Variants in PARVB observed in about 807,000 individuals in gnomAD.
PARVB encodes the protein parvin beta, also known as beta-parvin.
Under a neutral mutation model 47.0 loss-of-function variants are expected in PARVB, and 46 were observed. The ratio of observed to expected loss-of-function variants is 0.98; its 90% CI spans 0.77 to 1.25. PARVB has a LOEUF of 1.25. Among genes scored for constraint, PARVB ranks in the 50% most tolerant of loss-of-function variants. The probability of loss-of-function intolerance (pLI) is 0.00; values close to 1 mark genes in which losing one functional copy is unlikely to be tolerated. For synonymous variants in PARVB, 196 were observed against 196.3 expected, an observed-to-expected ratio of 1.00 and a Z score of 0.01; for missense variants, 473 against 471.6, an observed-to-expected ratio of 1.00 and a Z score of -0.03.
intron 1 of PARVB, among the ~76,000 whole-genome samples, chr22:44,025,353 G>A (rs2050711380): frequency 6.6e-6 from 1 of 152,156 alleles, no homozygotes; most frequent in Non-Finnish European, 1.5e-5. Context: ...ACCCCGGGAT[G>A]CAGGTCCCCC....
At chr22:44,124,087 A>G (rs1601641769) in intron 4 of PARVB, among the ~76,000 whole-genome samples, 2 of 152,228 alleles carry the variant, frequency 1.3e-5, no homozygotes, top group African/African-American at 4.8e-5. Context: ...GATTAAGTCA[A>G]TGAAAGAATT....
chr22:44,009,802 A>G (rs1203801457), intron 2 of PARVB, among the ~76,000 whole-genome samples: 1 of 148,808 alleles, frequency 6.7e-6, no homozygotes, highest in Non-Finnish European at 1.5e-5. Flanking sequence ...ATGTGTGCAT[A>G]TGAATCTTTT....
intron 1 of PARVB, among the ~76,000 whole-genome samples, chr22:44,091,910 G>GC (rs2052177129): frequency 6.6e-6 from 1 of 152,118 alleles, no homozygotes; most frequent in Non-Finnish European, 1.5e-5. Flanking sequence ...GCATCCTGGG[G>GC]CCCCGCTGCC....
chr22:44,141,663 C>T (rs528870694), intron 8 of PARVB: 1 of 152,442 alleles, frequency 6.6e-6, no homozygotes, highest in Admixed American at 6.5e-5. Context: ...TATTAACCAT[C>T]ACGCCTGTGG....
chr22:44,077,275 T>C (rs1033533880), intron 1 of PARVB, among the ~76,000 whole-genome samples: 8 of 152,184 alleles, frequency 5.3e-5, no homozygotes, highest in Admixed American at 6.5e-5. Context: ...TTCCCTGCCG[T>C]GGGCCACATC....
chr22:44,050,538 A>G (rs2051190645), intron 1 of PARVB, among the ~76,000 whole-genome samples: 1 of 152,034 alleles, frequency 6.6e-6, no homozygotes, highest in African/African-American at 2.4e-5. Flanking sequence ...GGGTTTCTCC[A>G]TGTTGGTCAG....
At chr22:44,065,843 GTGTGTGTGTGTGTGCA>G (rs1439880128) in intron 1 of PARVB, among the ~76,000 whole-genome samples, 1 of 30,140 alleles carries the variant, frequency 3.3e-5, no homozygotes, top group African/African-American at 1.5e-4. Context: ...GTATTCCATG[GTGTGTGTGTGTGTGCA>G]TGTGTGTGTG....
intron 2 of PARVB, among the ~76,000 whole-genome samples, chr22:44,006,611 G>A (rs142419853): frequency 2.0e-4 from 30 of 152,290 alleles, no homozygotes; most frequent in Non-Finnish European, 4.0e-4. Flanking sequence ...GTGACAGAGC[G>A]AGACTACATC....
intron 11 of PARVB, among the ~76,000 whole-genome samples, chr22:44,161,000 A>G (rs2054039250): frequency 6.6e-6 from 1 of 152,170 alleles, no homozygotes; most frequent in Admixed American, 6.5e-5. Flanking sequence ...ACCGGTCCAA[A>G]TTGGTGCTGA....
chr22:44,021,759 TCACACACACACACACACACACACA>T (rs3223605), upstream of PARVB, among the ~76,000 whole-genome samples: 41 of 102,786 alleles, frequency 4.0e-4, no homozygotes, highest in African/African-American at 8.4e-4. Context: ...AAGTCTAGAC[TCACACACACACACACACACACACA>T]CACACACACA....
At position 44,123,615 on chromosome 22, in the gene PARVB, A is replaced by G. The variant is rs2053121585; in HGVS notation, c.376+4475A>G. ...TTTTTTATAGATACGAGGCTTTGCC[A>G]TGTTGCCCAGGCTGATCTTGAACTC... On this transcript the variant is annotated intron_variant, in intron 4 of 12. Transcript: ENST00000338758. Among the ~76,000 whole-genome samples, 5 of 152,254 alleles carry G rather than the reference A, an allele frequency of 3.3e-5. No homozygotes were observed. The South Asian group carries it at 8.3e-4, about 25-fold the overall frequency.
At chr22:44,167,574 C>T (rs138694620) in intron 12 of PARVB, among the ~76,000 whole-genome samples, 270 of 152,202 alleles carry the variant, frequency 1.8e-3, no homozygotes, top group Middle Eastern at 3.4e-3. Context: ...CTGCCCCCCT[C>T]GCCTTGGCCA....
intron 12 of PARVB, among the ~76,000 whole-genome samples, chr22:44,164,867 C>T (rs115143174): frequency 8.7e-4 from 132 of 152,322 alleles, no homozygotes; most frequent in African/African-American, 3.1e-3. Context: ...TCCATCTACC[C>T]ACTGCAGCCA....
At chr22:44,119,384 C>G (rs1022222527) in intron 4 of PARVB, among the ~76,000 whole-genome samples, 1 of 152,214 alleles carries the variant, frequency 6.6e-6, no homozygotes, top group Admixed American at 6.5e-5. Context: ...GCTTCCAAAA[C>G]TGCCTGCGGC....
chr22:44,156,892 A>T (rs1425196685), intron 10 of PARVB, among the ~76,000 whole-genome samples: 2 of 152,206 alleles, frequency 1.3e-5, no homozygotes, highest in Middle Eastern at 3.4e-3. Flanking sequence ...AGAATAGAGA[A>T]TTGGGGGACA....
chr22:44,154,286 T>A (rs2053871780), intron 10 of PARVB, among the ~76,000 whole-genome samples: 2 of 152,276 alleles, frequency 1.3e-5, no homozygotes, highest in Non-Finnish European at 2.9e-5. Flanking sequence ...GGTCGCTGGT[T>A]ACAGAAATGC....
intron 2 of PARVB, among the ~76,000 whole-genome samples, chr22:44,019,103 G>T (rs1466444379): frequency 6.6e-6 from 1 of 152,088 alleles, no homozygotes; most frequent in Non-Finnish European, 1.5e-5. Context: ...TTTTAGTAGA[G>T]ACAGGGTTCC....
intron 1 of PARVB, chr22:44,031,503 A>G (rs1016123423): frequency 1.3e-5 from 2 of 151,326 alleles, no homozygotes; most frequent in African/African-American, 4.9e-5. Flanking sequence ...GCTTCTGTAG[A>G]AAAGGTAAAG....
In PARVB at chr22:44,049,657, A is replaced by G. The variant is rs939034543; in HGVS notation, c.112+25206A>G. Among the ~76,000 whole-genome samples, 3 of 152,218 alleles carry G rather than the reference A, an allele frequency of 2.0e-5. No homozygotes were observed. Among genetic ancestry groups the G allele is most frequent in the Non-Finnish European group, 2.9e-5 (2 of 68,046 alleles). On this transcript the variant is annotated intron_variant, in intron 1 of 12. Transcript: ENST00000338758. This position sits in a 1 kb window ranked among gnomAD's most constrained non-coding sequence, Gnocchi z 4.0. ...TTTCCTCTGTTGCTGGAGTGATCCA[A>G]TTTGAAGCCCTGTTTCTGAGCATGT...
Sources: allele counts gnomAD v4.1 joint callset (sites outside exome capture counted in the v4.1 genomes callset), GRCh38; gene constraint gnomAD v4.1.1; non-coding constraint Gnocchi (gnomAD v3.1); transcripts MANE v1.5; gene names NCBI Gene and HGNC (gene_info 2026-07-23, HGNC 2026-07-21).